Variants in CCR5AS observed in about 807,000 individuals in gnomAD.
CCR5AS encodes the protein CCR5 antisense RNA.
chr3:46,381,465 C>T (rs1227591985), intron 2 of CCR5AS, among the ~76,000 whole-genome samples: 1 of 152,200 alleles, frequency 6.6e-6, no homozygotes, highest in African/African-American at 2.4e-5. Context: ...CATGTACACA[C>T]ACACAAACAC....
chr3:46,398,519 C>A (rs1214257312), intron 1 of CCR5AS, among the ~76,000 whole-genome samples: 3 of 151,798 alleles, frequency 2.0e-5, no homozygotes, highest in Admixed American at 2.0e-4. Context: ...AATCAAAATC[C>A]AAAAAAAGCA....
In CCR5AS at chr3:46,376,018, G is replaced by A. The variant is rs570463527; in HGVS notation, n.392-4601C>T. 7 of 167,122 alleles carry A rather than the reference G, an allele frequency of 4.2e-5. No homozygotes were observed. The South Asian group carries it at 8.3e-4, about 20-fold the overall frequency. The allele number at this position is 167,122 out of a possible 1,614,324, so 10.4% of individuals were successfully genotyped here. A position where few individuals can be genotyped will look rare whatever the true frequency, so the allele number is the denominator to read the frequency against. ...TGAGCATTGTGGCTGTCAGCAGGAA[G>A]CAACGAAGGGAAATGTCTTTCCTTT... On this transcript the variant is annotated intron_variant and non_coding_transcript_variant, in intron 2 of 3. Coordinates refer to ENST00000451485, the Ensembl canonical transcript of CCR5AS.
chr3:46,367,834 A>T (rs1701614581), intron 3 of CCR5AS, among the ~76,000 whole-genome samples: 1 of 152,226 alleles, frequency 6.6e-6, no homozygotes, highest in Admixed American at 6.5e-5. Context: ...GGCTTCCCAA[A>T]GTGCTGGGAT....
intron 1 of CCR5AS, among the ~76,000 whole-genome samples, chr3:46,396,259 T>C (rs1235777677): frequency 6.6e-6 from 1 of 151,862 alleles, no homozygotes; most frequent in Non-Finnish European, 1.5e-5. Context: ...ACTGACCCTG[T>C]GAAAACTGGG....
chr3:46,376,951 C>T (rs1400371858), intron 2 of CCR5AS, among the ~76,000 whole-genome samples: 1 of 152,130 alleles, frequency 6.6e-6, no homozygotes, highest in Non-Finnish European at 1.5e-5. Flanking sequence ...AGAAGGGCAG[C>T]TTGTCCCTAC....
intron 2 of CCR5AS, among the ~76,000 whole-genome samples, chr3:46,390,130 C>T (rs532686636): frequency 1.3e-5 from 2 of 152,016 alleles, no homozygotes; most frequent in South Asian, 2.1e-4. Flanking sequence ...GTGGGCTGTC[C>T]CTGAAGCCTT....
chr3:46,379,304 G>A (rs1223227648), intron 2 of CCR5AS, among the ~76,000 whole-genome samples: 2 of 151,438 alleles, frequency 1.3e-5, no homozygotes, highest in African/African-American at 2.4e-5. Context: ...AGTTTACTGA[G>A]AATGATGGTT....
intron 1 of CCR5AS, among the ~76,000 whole-genome samples, chr3:46,399,190 G>GT (rs1701986372): frequency 6.6e-6 from 1 of 152,216 alleles, no homozygotes; most frequent in Non-Finnish European, 1.5e-5. Context: ...AATGGTGTTT[G>GT]TGGGCTGGAC....
intron 3 of CCR5AS, chr3:46,371,005 C>T (rs560812992): frequency 6.6e-6 from 1 of 152,190 alleles, no homozygotes; most frequent in African/African-American, 2.4e-5. Flanking sequence ...AACCTCTCAG[C>T]TGCTTGGCCT....
intron 2 of CCR5AS, chr3:46,374,148 A>G (rs1434043830): frequency 4.7e-6 from 2 of 423,096 alleles, no homozygotes; most frequent in Non-Finnish European, 4.3e-6. Flanking sequence ...AAGCCCATCA[A>G]TTATAGAAAG....
intron 1 of CCR5AS, among the ~76,000 whole-genome samples, chr3:46,402,542 T>C (rs951065168): frequency 6.6e-6 from 1 of 152,226 alleles, no homozygotes; most frequent in African/African-American, 2.4e-5. Flanking sequence ...TTTTTCTCTA[T>C]ACAAATTTTC....
intron 2 of CCR5AS, among the ~76,000 whole-genome samples, chr3:46,371,944 G>A (rs1701666509): frequency 6.6e-6 from 1 of 152,104 alleles, no homozygotes; most frequent in African/African-American, 2.4e-5. Context: ...TGAGAGGGAG[G>A]GTAGCATGGT....
chr3:46,374,061 A>G, intron 2 of CCR5AS: 1 of 778,664 alleles, frequency 1.3e-6, no homozygotes, highest in South Asian at 2.1e-5. Context: ...GGTCTTTTTT[A>G]AAAGGAAGTT....
chr3:46,384,880 G>C (rs1033817731), intron 2 of CCR5AS, among the ~76,000 whole-genome samples: 1 of 150,942 alleles, frequency 6.6e-6, no homozygotes, highest in Non-Finnish European at 1.5e-5. Flanking sequence ...TAGATAGATA[G>C]ATAGATAGAT....
chr3:46,374,064 A>G, intron 2 of CCR5AS: 1 of 757,562 alleles, frequency 1.3e-6, no homozygotes, highest in Non-Finnish European at 2.2e-6. Flanking sequence ...CTTTTTTAAA[A>G]GGAAGTTACT....
intron 1 of CCR5AS, among the ~76,000 whole-genome samples, chr3:46,401,529 A>C (rs1702005957): frequency 6.6e-6 from 1 of 152,238 alleles, no homozygotes; most frequent in Non-Finnish European, 1.5e-5. Flanking sequence ...GGTTTGGCTG[A>C]AGCATGTGCC....
At chr3:46,374,055 T>C in intron 2 of CCR5AS, 5 of 863,882 alleles carry the variant, frequency 5.8e-6, no homozygotes, top group Non-Finnish European at 7.2e-6. Flanking sequence ...GGGAGAGGTC[T>C]TTTTTAAAAG....
At chr3:46,383,365 C>T (rs1476997079) in intron 2 of CCR5AS, among the ~76,000 whole-genome samples, 1 of 152,182 alleles carries the variant, frequency 6.6e-6, no homozygotes, top group African/African-American at 2.4e-5. Context: ...GCCAATTCCC[C>T]ACCCCTTCCT....
intron 2 of CCR5AS, among the ~76,000 whole-genome samples, chr3:46,388,587 G>A (rs1701882198): frequency 6.6e-6 from 1 of 152,098 alleles, no homozygotes; most frequent in Non-Finnish European, 1.5e-5. Flanking sequence ...CATATGCCAG[G>A]CCAGATTGAT....
Sources: allele counts gnomAD v4.1 joint callset (sites outside exome capture counted in the v4.1 genomes callset), GRCh38; gene constraint gnomAD v4.1.1; transcripts MANE v1.5; gene names NCBI Gene and HGNC (gene_info 2026-07-23, HGNC 2026-07-21).